The following UST variants were observed in gnomAD, a reference collection of about 807,000 sequenced individuals.
UST encodes the protein chondroitin sulfate 2-O-sulfotransferase.
A neutral mutation model predicts 45.6 loss-of-function variants in UST; 21 were observed. The ratio of observed to expected loss-of-function variants is 0.46; its 90% CI spans 0.33 to 0.66. UST has a LOEUF of 0.66. UST is among the 30% of genes least tolerant of loss of function. The pLI is 0.02. For missense variants in UST, 463 were observed against 512.4 expected (o/e 0.90, Z 0.93); for synonymous variants, 215 against 200.6 (o/e 1.07, Z -0.61).
intron 1 of UST, among the ~76,000 whole-genome samples, chr6:148,781,910 A>AT (rs1374738028): frequency 6.6e-6 from 1 of 152,194 alleles, no homozygotes; most frequent in Non-Finnish European, 1.5e-5. Context: ...TGCTCAGAAA[A>AT]ACAGATTCCT....
chr6:148,946,489 C>T (rs375807570), intron 3 of UST, among the ~76,000 whole-genome samples: 19 of 124,812 alleles, frequency 1.5e-4, no homozygotes, highest in African/African-American at 4.0e-4. Context: ...CCAGCCTGGG[C>T]GACAGAGCAA....
At chr6:148,757,594 T>C (rs1776121936) in intron 1 of UST, among the ~76,000 whole-genome samples, 1 of 152,252 alleles carries the variant, frequency 6.6e-6, no homozygotes, top group African/African-American at 2.4e-5. Context: ...AAAGATACTA[T>C]AATAACCTTA....
chr6:148,899,980 G>A (rs938312708), intron 2 of UST, among the ~76,000 whole-genome samples: 17 of 151,700 alleles, frequency 1.1e-4, no homozygotes, highest in African/African-American at 4.1e-4. Context: ...TGATTTTATT[G>A]TTGCAACTAG....
chr6:149,058,392 T>C lies in UST; in HGVS notation c.938-15441T>C, dbSNP rs946886686. Among the ~76,000 whole-genome samples, 33 of 149,766 alleles carry C rather than the reference T, an allele frequency of 2.2e-4. 1 individual carries two copies. The highest frequency in any genetic ancestry group is 7.4e-4 in the African/African-American group (30 of 40,522). On this transcript the variant is annotated intron_variant, in intron 7 of 7. Transcript: ENST00000367463. ...GTGTGTGTGTGTGTGTGTGTGTATG[T>C]GCGCGCGCGTGTGTCTGTGTGTAAG... is the stretch of plus-strand genomic sequence containing the variant.
chr6:148,804,656 A>G (rs1562263069), intron 1 of UST, among the ~76,000 whole-genome samples: 1 of 152,170 alleles, frequency 6.6e-6, no homozygotes, highest in East Asian at 1.9e-4. Context: ...AGTATTAAAA[A>G]CATTTGTCTT....
intron 1 of UST, among the ~76,000 whole-genome samples, chr6:148,774,293 A>AT (rs1776489291): frequency 1.4e-5 from 2 of 147,846 alleles, no homozygotes; most frequent in South Asian, 4.2e-4. Flanking sequence ...TATATATAAA[A>AT]ATATAATGAA....
chr6:149,014,094 G>A (rs1374395576), intron 5 of UST, among the ~76,000 whole-genome samples: 1 of 152,266 alleles, frequency 6.6e-6, no homozygotes, highest in Non-Finnish European at 1.5e-5. Flanking sequence ...AGGCCTGTGG[G>A]CCTGGCAGTG....
chr6:148,782,611 C>T (rs959681219), intron 1 of UST, among the ~76,000 whole-genome samples: 16 of 151,990 alleles, frequency 1.1e-4, no homozygotes, highest in African/African-American at 3.4e-4. Context: ...CCACCATGCC[C>T]GGCTAATTTT....
intron 5 of UST, among the ~76,000 whole-genome samples, chr6:148,972,366 C>G (rs1216299679): frequency 6.6e-6 from 1 of 152,284 alleles, no homozygotes; most frequent in East Asian, 1.9e-4. Context: ...GGGGACTGTT[C>G]CAAGTGAAGT....
chr6:149,053,927 G>A (rs1361661298), intron 7 of UST, among the ~76,000 whole-genome samples: 7 of 152,196 alleles, frequency 4.6e-5, no homozygotes, highest in Admixed American at 6.5e-5. Context: ...GAGCCTGGCC[G>A]TGACCTCTGT....
chr6:149,021,741 C>T (rs1775984243), intron 7 of UST, among the ~76,000 whole-genome samples: 1 of 152,204 alleles, frequency 6.6e-6, no homozygotes, highest in Admixed American at 6.5e-5. Flanking sequence ...AAATTGGCAA[C>T]ATTCTCCATC....
chr6:148,907,055 A>G (rs1459956003), intron 2 of UST, among the ~76,000 whole-genome samples: 1 of 152,208 alleles, frequency 6.6e-6, no homozygotes, highest in African/African-American at 2.4e-5. Context: ...AAAATTATGA[A>G]TATATTTTAT....
At chr6:148,766,339 C>T (rs1365626798) in intron 1 of UST, among the ~76,000 whole-genome samples, 1 of 149,552 alleles carries the variant, frequency 6.7e-6, no homozygotes, top group East Asian at 1.9e-4. Flanking sequence ...CTATCACTCT[C>T]ACCCACTCAC....
Position 148,941,510 on chromosome 6 carries a change from C to A in UST, c.447+76C>A. 3 of 1,463,514 alleles carry A rather than the reference C, an allele frequency of 2.0e-6. No individual in the cohort carries two copies. The South Asian group carries it at 4.2e-5, about 20-fold the overall frequency. The allele number at this position is 1,463,514 out of a possible 1,614,324, so 90.7% of individuals were successfully genotyped here. On this transcript the variant is annotated intron_variant, in intron 3 of 7. Coordinates refer to ENST00000367463, the MANE Select transcript of UST (RefSeq NM_005715.3). ...TGTAACTAGTGGGTGCCTTACAGGTCATCCTTCAGACTCCTGATGAGTGAA... is the reference window on the plus strand; with the variant it reads ...TGTAACTAGTGGGTGCCTTACAGGTAATCCTTCAGACTCCTGATGAGTGAA...
intron 5 of UST, among the ~76,000 whole-genome samples, chr6:148,981,521 G>A (rs531643496): frequency 2.0e-5 from 3 of 152,304 alleles, no homozygotes; most frequent in East Asian, 1.9e-4. Context: ...CATTGCCTCC[G>A]TGGAGCTTAT....
chr6:148,845,657 TG>T (rs374972296), intron 1 of UST, among the ~76,000 whole-genome samples: 13 of 152,366 alleles, frequency 8.5e-5, no homozygotes, highest in African/African-American at 3.1e-4. Flanking sequence ...GTGTAATCCC[TG>T]GGTCATAGAG....
At chr6:149,073,778 TC>T in intron 7 of UST, 54 bp from the exon 8 acceptor site, 1 of 1,576,118 alleles carries the variant, frequency 6.3e-7, no homozygotes, top group Non-Finnish European at 8.6e-7. Flanking sequence ...CTCGCCGGGA[TC>T]CCTTCTAAGC....
chr6:148,762,533 A>ACCT (rs1406385569), intron 1 of UST, among the ~76,000 whole-genome samples: 2,123 of 144,194 alleles, frequency 0.015, 25 homozygotes, highest in Non-Finnish European at 0.023. Context: ...GCAGGCTTCT[A>ACCT]TCTTTTTTTT....
chr6:148,908,095 G>C (rs560336062), intron 2 of UST, among the ~76,000 whole-genome samples: 22 of 152,066 alleles, frequency 1.4e-4, no homozygotes, highest in African/African-American at 5.3e-4. Context: ...TTTTAGTAGA[G>C]ATATGGTTTC....
Sources: gnomAD v4.1 joint callset for allele counts (sites outside exome capture counted in the v4.1 genomes callset) on GRCh38, gnomAD v4.1.1 for gene constraint, MANE v1.5 for transcripts, NCBI Gene and HGNC (gene_info 2026-07-23, HGNC 2026-07-21) for gene names.